WNK2: variants seen among roughly 807,000 people sequenced by gnomAD.
WNK2 encodes the protein serine/threonine-protein kinase WNK2.
In WNK2, 67 loss-of-function variants were observed where a neutral mutation model predicts 192.1. The observed-to-expected ratio is 0.35, with a 90% CI of 0.29 to 0.43. WNK2 has a LOEUF of 0.43. Ranked by LOEUF, WNK2 falls within the 20% of genes least tolerant of loss-of-function variation. The pLI, the probability that WNK2 is intolerant of heterozygous loss-of-function variation, is 1.00. For missense variants in WNK2, 2,698 were observed against 3,089.7 expected, an observed-to-expected ratio of 0.87 and a Z score of 3.01; for synonymous variants, 1,439 against 1,393.9, an observed-to-expected ratio of 1.03 and a Z score of -0.72.
At chr9:93,320,171 CAAA>C (rs1855294071) in intron 29 of WNK2, among the ~76,000 whole-genome samples, 193 bp from the exon 30 acceptor site, 1 of 152,234 alleles carries the variant, frequency 6.6e-6, no homozygotes, top group South Asian at 2.1e-4. Context: ...ACTGGTCACA[CAAA>C]GAAGGGTGGT....
chr9:93,237,057 G>A (rs986698520), intron 5 of WNK2, among the ~76,000 whole-genome samples: 1 of 152,192 alleles, frequency 6.6e-6, no homozygotes, highest in Non-Finnish European at 1.5e-5. Flanking sequence ...TTTGACAGAA[G>A]TAGGGTGACC....
At position 93,262,565 on chromosome 9, in the gene WNK2, C is replaced by G; in HGVS notation, c.3361-105C>G. 3.1e-6 allele frequency: 4 copies of G among 1,273,438 alleles called. No individual in the cohort carries two copies. The East Asian group carries it at 7.2e-5, about 23-fold the overall frequency. The allele number at this position is 1,273,438 out of a possible 1,614,324, so 78.9% of individuals were successfully genotyped here. On this transcript the variant is annotated intron_variant, in intron 13 of 29. Coordinates refer to ENST00000427277, the MANE Select transcript of WNK2 (RefSeq NM_006648.4). ...GAGCAGGAGAACGCAGCGGGGCAGG[C>G]TGGGCTGAGGAAGTGGGGAGGGAGA...
At chr9:93,253,323 T>C (rs943143419) in intron 9 of WNK2, among the ~76,000 whole-genome samples, 3 of 151,416 alleles carry the variant, frequency 2.0e-5, no homozygotes, top group African/African-American at 7.3e-5. Flanking sequence ...GCCCTGACAT[T>C]CCTGTAAAGA....
intron 28 of WNK2, among the ~76,000 whole-genome samples, chr9:93,311,229 G>C (rs1367239638): frequency 6.6e-6 from 1 of 152,150 alleles, no homozygotes; most frequent in Non-Finnish European, 1.5e-5. Flanking sequence ...TGACATCCAT[G>C]TTGTAGCATG....
chr9:93,308,547 C>T lies in WNK2; in HGVS notation c.6479C>T (p.Ala2160Val), dbSNP rs374287169. The change falls in exon 28 of 30, where the codon GCC (alanine) becomes GTC (valine). Residue 2160 changes from alanine to valine, a missense_variant. Transcript: ENST00000427277. ...ACCCAGAAGCTGCAAGACATGGAGG[C>T]CCAGGCAGGCTGGGCTGCCCCTGGC... ...KQTQKLQDME[A>V]QAGWAAPGEA... The T allele has an allele frequency of 1.4e-4, 217 of 1,602,002 alleles. No homozygotes were observed. The East Asian group carries it at 3.9e-3, about 28-fold the overall frequency.
chr9:93,310,952 AG>A, intron 28 of WNK2, among the ~76,000 whole-genome samples: 1 of 152,296 alleles, frequency 6.6e-6, no homozygotes, highest in Non-Finnish European at 1.5e-5. Flanking sequence ...TGACAGAGAA[AG>A]ATCCTGTCTC....
chr9:93,201,116 C>T (rs1359801945), intron 2 of WNK2, among the ~76,000 whole-genome samples: 3 of 152,176 alleles, frequency 2.0e-5, no homozygotes, highest in African/African-American at 7.2e-5. Flanking sequence ...CCTGGTACCA[C>T]CCATCCTTTC....
intron 7 of WNK2, among the ~76,000 whole-genome samples, chr9:93,241,939 G>C (rs1047517900): frequency 1.2e-4 from 18 of 152,142 alleles, no homozygotes; most frequent in Admixed American, 8.5e-4. Flanking sequence ...TGAGGACTTT[G>C]GGCTACTTGA....
chr9:93,305,671 C>T (rs990269628), intron 26 of WNK2, among the ~76,000 whole-genome samples: 2 of 152,196 alleles, frequency 1.3e-5, no homozygotes, highest in African/African-American at 2.4e-5. Flanking sequence ...ACAAGTTGCC[C>T]GCTGTCCCCC....
At chr9:93,187,764 A>G (rs1829602348) in intron 2 of WNK2, among the ~76,000 whole-genome samples, 1 of 151,848 alleles carries the variant, frequency 6.6e-6, no homozygotes, top group Non-Finnish European at 1.5e-5. Context: ...TATTGGAAGG[A>G]CTGATGGGAC....
chr9:93,318,245 G>A, intron 29 of WNK2: 1 of 1,495,964 alleles, frequency 6.7e-7, no homozygotes, highest in Non-Finnish European at 8.9e-7. Context: ...GCAGAGATGT[G>A]AATGGTTTAC....
At chr9:93,202,329 T>TGTGG (rs1832554505) in intron 2 of WNK2, among the ~76,000 whole-genome samples, 4 of 111,928 alleles carry the variant, frequency 3.6e-5, no homozygotes, top group African/African-American at 1.2e-4. Context: ...TGTGCACGTG[T>TGTGG]GTGTGTGTGT....
At chr9:93,275,634 G>A (rs1291481238) in intron 19 of WNK2, among the ~76,000 whole-genome samples, 1 of 152,198 alleles carries the variant, frequency 6.6e-6, no homozygotes, top group Non-Finnish European at 1.5e-5. Flanking sequence ...GAAGTGAAAG[G>A]CATGTGGATT....
At chr9:93,278,406 C>T (rs1168118960) in intron 19 of WNK2, among the ~76,000 whole-genome samples, 1 of 152,220 alleles carries the variant, frequency 6.6e-6, no homozygotes, top group Non-Finnish European at 1.5e-5. Flanking sequence ...GACCCGGGAA[C>T]TCACACAGGC....
intron 2 of WNK2, among the ~76,000 whole-genome samples, chr9:93,216,088 T>G (rs1835691336): frequency 6.6e-6 from 1 of 152,198 alleles, no homozygotes; most frequent in Non-Finnish European, 1.5e-5. Flanking sequence ...TTATCCAGAC[T>G]TCTAGTATAC....
rs376431200 is a variant in WNK2, at chr9:93,290,332, CTT to C, written c.4936+298_4936+299del. 5.5e-3 allele frequency among the ~76,000 whole-genome samples: 760 copies of C among 138,796 alleles called. 6 individuals carry two copies. The highest frequency in any genetic ancestry group is 0.019 in the African/African-American group (711 of 37,982). The allele number at this position is 138,796 out of a possible 152,430, so 91.1% of individuals were successfully genotyped here. ...CACAAATTGTTAAGCTTCTTATGAG[CTT>C]TTTTTTTTTTTTCAATTTTTTAAAG... On this transcript the variant is annotated intron_variant, in intron 21 of 29. Coordinates refer to ENST00000427277, the MANE Select transcript of WNK2 (RefSeq NM_006648.4).
chr9:93,269,129 G>C (rs926296079), intron 19 of WNK2, among the ~76,000 whole-genome samples: 8 of 152,128 alleles, frequency 5.3e-5, no homozygotes, highest in African/African-American at 1.2e-4. Context: ...GCTTGCTTTG[G>C]GGGGTGGGGT....
At chr9:93,194,642 T>C (rs1830907691) in intron 2 of WNK2, among the ~76,000 whole-genome samples, 1 of 152,224 alleles carries the variant, frequency 6.6e-6, no homozygotes, top group Non-Finnish European at 1.5e-5. Flanking sequence ...GGAAGGTCTT[T>C]TGGTAGTTTC....
rs1423422412 is a variant in WNK2, at chr9:93,200,628, G to A, written c.681+15018G>A. Reference sequence around the variant, plus strand: ...ACCCTCGTTTGCGGCTGAGCTTGGGGAAAACTGAGCCCAGAGGATGCCGGA... The same window carrying A: ...ACCCTCGTTTGCGGCTGAGCTTGGGAAAAACTGAGCCCAGAGGATGCCGGA... On this transcript the variant is annotated intron_variant, in intron 2 of 29. Coordinates refer to ENST00000427277, the MANE Select transcript of WNK2 (RefSeq NM_006648.4). Among the ~76,000 whole-genome samples, 4 of 152,214 alleles carry A rather than the reference G, an allele frequency of 2.6e-5. No individual in the cohort carries two copies. The East Asian group carries it at 7.7e-4, about 29-fold the overall frequency.
Sources: allele counts gnomAD v4.1 joint callset (sites outside exome capture counted in the v4.1 genomes callset), GRCh38; gene constraint gnomAD v4.1.1; transcripts MANE v1.5; gene names NCBI Gene and HGNC (gene_info 2026-07-23, HGNC 2026-07-21).